Variants in ZNF385D observed in about 807,000 individuals in gnomAD.
ZNF385D encodes zinc finger protein 385D.
In ZNF385D, 15 loss-of-function variants were observed where a neutral mutation model predicts 35.8. That is an observed-to-expected ratio of 0.42 (90% CI 0.28 to 0.64). The LOEUF (loss-of-function observed/expected upper bound fraction) is 0.64, where lower values mean the gene tolerates loss of function less well. ZNF385D is among the 30% of genes least tolerant of loss of function. The pLI, the probability that ZNF385D is intolerant of heterozygous loss-of-function variation, is 0.23. For synonymous variants in ZNF385D, 212 were observed against 186.8 expected, an observed-to-expected ratio of 1.13 and a Z score of -1.10; for missense variants, 474 against 494.6, an observed-to-expected ratio of 0.96 and a Z score of 0.39.
At chr3:22,216,931 A>C (rs1697925883) in intron 2 of ZNF385D, among the ~76,000 whole-genome samples, 1 of 152,132 alleles carries the variant, frequency 6.6e-6, no homozygotes, top group Non-Finnish European at 1.5e-5. Context: ...GTGAGCCACA[A>C]ATCAACACTG....
intron 2 of ZNF385D, among the ~76,000 whole-genome samples, chr3:22,208,111 A>C (rs1697275196): frequency 1.3e-5 from 2 of 151,990 alleles, no homozygotes; most frequent in South Asian, 4.1e-4. Flanking sequence ...TCAGTATAGC[A>C]AAGAGATATA....
intron 2 of ZNF385D, among the ~76,000 whole-genome samples, chr3:21,598,093 A>G (rs1463682616): frequency 1.3e-5 from 2 of 152,330 alleles, no homozygotes; most frequent in South Asian, 2.1e-4. Flanking sequence ...CTAATAATTC[A>G]TAAGCGGTTG....
At chr3:21,945,905 C>T (rs189127477) in intron 3 of ZNF385D, among the ~76,000 whole-genome samples, 8 of 152,140 alleles carry the variant, frequency 5.3e-5, no homozygotes, top group Non-Finnish European at 1.2e-4. Context: ...ATAAGTCTTA[C>T]ATTTTGAGTT....
At chr3:21,743,823 TCTGA>T (rs1437873319) in intron 1 of ZNF385D, among the ~76,000 whole-genome samples, 1 of 152,220 alleles carries the variant, frequency 6.6e-6, no homozygotes, top group Non-Finnish European at 1.5e-5. Context: ...ATTCATATTT[TCTGA>T]CTATTAATGA....
At chr3:21,558,435 GT>G (rs764641011) in intron 3 of ZNF385D, among the ~76,000 whole-genome samples, 12 of 151,676 alleles carry the variant, frequency 7.9e-5, no homozygotes, top group Non-Finnish European at 1.3e-4. Context: ...TCAGGAGCAG[GT>G]TGTTCAGTTT....
intron 3 of ZNF385D, among the ~76,000 whole-genome samples, chr3:21,829,725 G>T (rs1308224130): frequency 6.6e-6 from 1 of 151,846 alleles, no homozygotes; most frequent in African/African-American, 2.4e-5. Flanking sequence ...TTTCCATGTG[G>T]GAGATGCTAA....
At chr3:21,489,379 G>A (rs930204233) in intron 4 of ZNF385D, among the ~76,000 whole-genome samples, 1 of 152,110 alleles carries the variant, frequency 6.6e-6, no homozygotes, top group African/African-American at 2.4e-5. Flanking sequence ...AGAAAGCTGG[G>A]TATAGCAAAG....
chr3:22,031,310 G>A (rs750288209), intron 3 of ZNF385D, among the ~76,000 whole-genome samples: 1 of 152,202 alleles, frequency 6.6e-6, no homozygotes, highest in African/African-American at 2.4e-5. Flanking sequence ...CCTAGTAGAG[G>A]TTCTTCATGA....
At position 22,099,444 on chromosome 3, in the gene ZNF385D, A is replaced by G. The variant is rs191627067; in HGVS notation, c.325+69373T>C. Among the ~76,000 whole-genome samples, 58 of 152,236 alleles carry G rather than the reference A, an allele frequency of 3.8e-4. No homozygotes were observed. The East Asian group carries it at 0.01, about 27-fold the overall frequency. On this transcript the variant is annotated intron_variant, in intron 3 of 5. Coordinates refer to the ZNF385D transcript ENST00000494108. ...CATTGTAGTGACAGCGGTCAATTGCATTAAGCAATGTTCTCCAGCTTGTCT... is the reference window on the plus strand; with the variant it reads ...CATTGTAGTGACAGCGGTCAATTGCGTTAAGCAATGTTCTCCAGCTTGTCT...
intron 2 of ZNF385D, among the ~76,000 whole-genome samples, chr3:22,306,665 C>A (rs1703240061): frequency 6.6e-6 from 1 of 152,028 alleles, no homozygotes; most frequent in Admixed American, 6.6e-5. Context: ...TATGTTTCTT[C>A]TTCTGATATG....
intron 3 of ZNF385D, among the ~76,000 whole-genome samples, chr3:22,112,332 C>T (rs2125647406): frequency 6.6e-6 from 1 of 152,122 alleles, no homozygotes; most frequent in Middle Eastern, 3.4e-3. Flanking sequence ...TCTGCATTGC[C>T]TAACAATTTT....
At chr3:21,718,517 A>G (rs575816026) in intron 1 of ZNF385D, among the ~76,000 whole-genome samples, 38 of 152,318 alleles carry the variant, frequency 2.5e-4, no homozygotes, top group Non-Finnish European at 4.7e-4. Flanking sequence ...AACTTTACAC[A>G]TATTATCTTA....
chr3:22,116,767 A>G (rs1576347490), intron 3 of ZNF385D, among the ~76,000 whole-genome samples: 1 of 152,054 alleles, frequency 6.6e-6, no homozygotes, highest in African/African-American at 2.4e-5. Context: ...CCTAGCATAT[A>G]TAGTGACAAT....
intron 3 of ZNF385D, among the ~76,000 whole-genome samples, chr3:21,530,908 T>C (rs1296283054): frequency 6.6e-6 from 1 of 152,146 alleles, no homozygotes; most frequent in Non-Finnish European, 1.5e-5. Context: ...CATCAAATGT[T>C]GTTACAATCC....
At chr3:21,497,295 C>G (rs1171825146) in intron 4 of ZNF385D, among the ~76,000 whole-genome samples, 1 of 152,028 alleles carries the variant, frequency 6.6e-6, no homozygotes, top group Non-Finnish European at 1.5e-5. Flanking sequence ...CAATCCCATT[C>G]ACAACAGTCA....
intron 1 of ZNF385D, among the ~76,000 whole-genome samples, chr3:21,715,347 T>C (rs78127014): frequency 0.031 from 4,675 of 152,252 alleles, 231 homozygotes; most frequent in African/African-American, 0.11. Context: ...GACCATGTGA[T>C]ATTTGTCTTT....
chr3:21,466,075 T>C (rs1487161398), intron 4 of ZNF385D, among the ~76,000 whole-genome samples: 4 of 152,198 alleles, frequency 2.6e-5, no homozygotes. Flanking sequence ...ATTGTACTAG[T>C]ATTTCTCACC....
intron 3 of ZNF385D, among the ~76,000 whole-genome samples, chr3:22,019,034 CT>C (rs11380195): frequency 3.1e-3 from 201 of 64,426 alleles, no homozygotes; most frequent in African/African-American, 8.5e-3. Flanking sequence ...AGTTATTTAC[CT>C]TTTTTTTTTT....
At chr3:22,312,556 G>GA (rs1175167397) in intron 2 of ZNF385D, among the ~76,000 whole-genome samples, 3 of 151,652 alleles carry the variant, frequency 2.0e-5, no homozygotes, top group Non-Finnish European at 2.9e-5. Context: ...AAATTTACAA[G>GA]AAAAAAACAA....
Sources: allele counts gnomAD v4.1 joint callset (sites outside exome capture counted in the v4.1 genomes callset), GRCh38; gene constraint gnomAD v4.1.1; transcripts MANE v1.5; gene names NCBI Gene and HGNC (gene_info 2026-07-23, HGNC 2026-07-21).